FAXC: variants seen among roughly 807,000 people sequenced by gnomAD.
The protein encoded by FAXC is failed axon connections homolog, metaxin like GST domain containing.
FAXC carries 10 observed loss-of-function variants against 41.9 expected under a neutral mutation model. The observed-to-expected ratio is 0.24, with a 90% CI of 0.15 to 0.41. FAXC has a LOEUF of 0.41. FAXC is among the 10% of genes least tolerant of loss of function. FAXC has a pLI of 1.00. For missense variants in FAXC, 399 were observed against 510.9 expected, an observed-to-expected ratio of 0.78 and a Z score of 2.11; for synonymous variants, 183 against 183.8, an observed-to-expected ratio of 1.00 and a Z score of 0.03.
At chr6:99,324,810 C>T (rs1772734116) in intron 3 of FAXC, among the ~76,000 whole-genome samples, 1 of 152,132 alleles carries the variant, frequency 6.6e-6, no homozygotes, top group African/African-American at 2.4e-5. Context: ...CATTTTTCCT[C>T]CCTAATGAGT....
intron 2 of FAXC, among the ~76,000 whole-genome samples, chr6:99,340,666 CTTTTTTT>C (rs61071426): frequency 5.2e-5 from 5 of 96,952 alleles, no homozygotes; most frequent in Admixed American, 2.3e-4. Flanking sequence ...GCTAAAATTC[CTTTTTTT>C]TTTTTTTTTT....
chr6:99,301,714 G>A (rs1771712704), intron 4 of FAXC, among the ~76,000 whole-genome samples: 1 of 152,138 alleles, frequency 6.6e-6, no homozygotes, highest in African/African-American at 2.4e-5. Flanking sequence ...TGAAAGATAA[G>A]ATTCTACTTC....
chr6:99,290,265 C>G, intron 5 of FAXC, among the ~76,000 whole-genome samples: 1 of 152,096 alleles, frequency 6.6e-6, no homozygotes, highest in East Asian at 1.9e-4. Flanking sequence ...ATATGTTCAT[C>G]CCCTAGCACT....
At chr6:99,335,369 G>A (rs1054908279) in intron 2 of FAXC, among the ~76,000 whole-genome samples, 6 of 152,320 alleles carry the variant, frequency 3.9e-5, no homozygotes, top group African/African-American at 1.4e-4. Flanking sequence ...CTTTGTGCTA[G>A]TAACTCTTTG....
At chr6:99,322,721 A>C (rs1409625469) in intron 4 of FAXC, among the ~76,000 whole-genome samples, 3 of 152,162 alleles carry the variant, frequency 2.0e-5, no homozygotes, top group Non-Finnish European at 4.4e-5. Flanking sequence ...GCTATGAATC[A>C]AGCTCTGCCC....
chr6:99,321,740 C>G (rs1221753287), intron 4 of FAXC, among the ~76,000 whole-genome samples: 1 of 152,224 alleles, frequency 6.6e-6, no homozygotes, highest in Non-Finnish European at 1.5e-5. Context: ...TCGCTAAACG[C>G]GAGAGAAACA....
intron 4 of FAXC, among the ~76,000 whole-genome samples, chr6:99,294,574 T>G (rs761866572): frequency 1.3e-5 from 2 of 152,120 alleles, no homozygotes; most frequent in Non-Finnish European, 2.9e-5. Flanking sequence ...AGGATTTTTG[T>G]TGTGTGTGTG....
At chr6:99,284,046 TA>T (rs1223732613) in intron 5 of FAXC, 1 of 152,200 alleles carries the variant, frequency 6.6e-6, no homozygotes, top group Non-Finnish European at 1.5e-5. Flanking sequence ...GTAATAATCA[TA>T]ATAGCAGACA....
chr6:99,326,543 T>C (rs1772810590), intron 3 of FAXC, among the ~76,000 whole-genome samples: 1 of 152,104 alleles, frequency 6.6e-6, no homozygotes, highest in Admixed American at 6.6e-5. Flanking sequence ...TGAAGATGTC[T>C]AGAAGGCTGA....
intron 4 of FAXC, among the ~76,000 whole-genome samples, chr6:99,305,661 T>A (rs1442009309): frequency 1.3e-5 from 2 of 150,118 alleles, no homozygotes; most frequent in African/African-American, 4.9e-5. Flanking sequence ...TAGGAAAAAA[T>A]ATATATAGTA....
intron 4 of FAXC, among the ~76,000 whole-genome samples, chr6:99,302,357 T>C (rs989164960): frequency 6.6e-6 from 1 of 152,178 alleles, no homozygotes; most frequent in African/African-American, 2.4e-5. Context: ...ACATTCTTCT[T>C]GTTAAAAGCA....
At position 99,281,156 on chromosome 6, in the gene FAXC, G is replaced by A. The variant is rs1300283203; in HGVS notation, c.*8C>T. The A allele has an allele frequency of 7.9e-7, 1 of 1,260,154 alleles. No individual in the cohort carries two copies. Among genetic ancestry groups the A allele is most frequent in the East Asian group, 2.3e-5 (1 of 43,222 alleles). 78.1% of individuals were successfully genotyped at this position (1,260,154 alleles called of 1,614,324 possible). A position where few individuals can be genotyped will look rare whatever the true frequency, so the allele number is the denominator to read the frequency against. On this transcript the variant is annotated 3_prime_UTR_variant, in exon 6 of 6. Transcript: ENST00000389677. ...GGTCCCAAGGAAGAGGGTCAGTGAGGCTGGACGTCACTTGCACTGTTCGTG... is the reference window on the plus strand; with the variant it reads ...GGTCCCAAGGAAGAGGGTCAGTGAGACTGGACGTCACTTGCACTGTTCGTG...
In FAXC at chr6:99,316,013, A is replaced by G. The variant is rs537572095; in HGVS notation, c.823+7431T>C. ...TACAAATCCAATTAAAAGCAAACAAACATTAGGTTTTAGTAATCTGTGCTG... is the reference window on the plus strand; with the variant it reads ...TACAAATCCAATTAAAAGCAAACAAGCATTAGGTTTTAGTAATCTGTGCTG... On this transcript the variant is annotated intron_variant, in intron 4 of 5. Transcript: ENST00000389677. Among the ~76,000 whole-genome samples the G allele has an allele frequency of 6.6e-5, 10 of 152,268 alleles. No homozygotes were observed. The South Asian group carries it at 2.1e-3, about 32-fold the overall frequency.
In FAXC at chr6:99,322,169, C is replaced by G. The variant is rs540855580; in HGVS notation, c.823+1275G>C. The stretch of plus-strand genomic sequence containing the variant: ...GACAATGTCAATTCTGCAGGCCAGA[C>G]AGAGCTTTTGAAGGAGTCCAGCCAG... On this transcript the variant is annotated intron_variant, in intron 4 of 5. Coordinates refer to ENST00000389677, the MANE Select transcript of FAXC (RefSeq NM_032511.4). 7.9e-5 allele frequency among the ~76,000 whole-genome samples: 12 copies of G among 152,274 alleles called. No individual in the cohort carries two copies. The East Asian group carries it at 1.7e-3, about 22-fold the overall frequency.
intron 5 of FAXC, 122 bp downstream of exon 5, chr6:99,291,582 C>G (rs1454881256): frequency 5.4e-6 from 4 of 739,774 alleles, no homozygotes; most frequent in Non-Finnish European, 9.7e-6. Context: ...GTACACCATG[C>G]CTGGTGTCTC....
intron 4 of FAXC, among the ~76,000 whole-genome samples, chr6:99,294,399 C>G (rs1477314050): frequency 6.6e-6 from 1 of 152,188 alleles, no homozygotes; most frequent in Non-Finnish European, 1.5e-5. Flanking sequence ...CCTGCTAGGG[C>G]AGGAGGGGGT....
intron 1 of FAXC, among the ~76,000 whole-genome samples, chr6:99,348,231 G>A (rs188324506): frequency 2.0e-5 from 3 of 152,256 alleles, no homozygotes; most frequent in Non-Finnish European, 4.4e-5. Flanking sequence ...CTGGGCTTCT[G>A]GTAATCTTCC....
rs955782933 is a variant in FAXC at position 99,280,127 on chromosome 6, T to C, written c.*1037A>G. On this transcript the variant is annotated 3_prime_UTR_variant, in exon 6 of 6. Coordinates refer to ENST00000389677, the MANE Select transcript of FAXC (RefSeq NM_032511.4). ...GGAGTCAACACAGAACATGCCAGGGTGAGTTCAGGCAATGAAAGAACCACT... is the reference window on the plus strand; with the variant it reads ...GGAGTCAACACAGAACATGCCAGGGCGAGTTCAGGCAATGAAAGAACCACT... 8.5e-5 allele frequency: 13 copies of C among 152,128 alleles called. No homozygotes were observed. Among genetic ancestry groups the C allele is most frequent in the African/African-American group, 2.9e-4 (12 of 41,424 alleles). 9.4% of individuals were successfully genotyped at this position (152,128 alleles called of 1,614,324 possible). A position where few individuals can be genotyped will look rare whatever the true frequency, so the allele number is the denominator to read the frequency against.
At chr6:99,288,899 C>T (rs1483537384) in intron 5 of FAXC, among the ~76,000 whole-genome samples, 3 of 138,874 alleles carry the variant, frequency 2.2e-5, no homozygotes, top group African/African-American at 8.5e-5. Context: ...GCTGCAGGCT[C>T]CACCACTTCC....
Sources: gnomAD v4.1 joint callset for allele counts (sites outside exome capture counted in the v4.1 genomes callset) on GRCh38, gnomAD v4.1.1 for gene constraint, MANE v1.5 for transcripts, NCBI Gene and HGNC (gene_info 2026-07-23, HGNC 2026-07-21) for gene names.